CXorf58: variants seen among roughly 807,000 people sequenced by gnomAD.
CXorf58 encodes the protein chromosome X open reading frame 58, also known as uncharacterized protein CXorf58.
A neutral mutation model predicts 26.0 loss-of-function variants in CXorf58; 24 were observed. The observed-to-expected ratio is 0.92, with a 90% confidence interval of 0.67 to 1.30. The LOEUF is 1.30. Ranked by LOEUF, CXorf58 falls within the 50% of genes most tolerant of loss-of-function variation. The pLI is 0.00. For missense variants in CXorf58, 236 were observed against 263.9 expected (o/e 0.89, Z 0.73); for synonymous variants, 87 against 86.1 (o/e 1.01, Z -0.06).
At chrX:23,933,636 C>T (rs1426514375) in intron 6 of CXorf58, among the ~76,000 whole-genome samples, 1 of 111,013 alleles carries the variant, frequency 9.0e-6, no homozygotes, top group East Asian at 2.8e-4. Flanking sequence ...CGCCTGTAAT[C>T]TCAGCACTTT....
At chrX:23,924,650 A>G (rs768144580) in intron 5 of CXorf58, among the ~76,000 whole-genome samples, 1 of 96,303 alleles carries the variant, frequency 1.0e-5, no homozygotes, top group African/African-American at 3.8e-5. Flanking sequence ...TGTAATGTAT[A>G]AAGAAATTTG....
chrX:23,933,568 A>AG (rs201806767), intron 6 of CXorf58, among the ~76,000 whole-genome samples: 1,630 of 111,308 alleles, frequency 0.015, 30 homozygotes, highest in African/African-American at 0.049. Context: ...CAGCCTGGGC[A>AG]ACATAGTGAG....
intron 7 of CXorf58, among the ~76,000 whole-genome samples, chrX:23,938,182 C>A (rs985683814): frequency 1.8e-5 from 2 of 111,339 alleles, no homozygotes; most frequent in African/African-American, 6.5e-5. Flanking sequence ...GCCACTGCGC[C>A]TGGACGAAAT....
intron 8 of CXorf58, 115 bp from the exon 9 acceptor site, chrX:23,939,129 T>TA: frequency 2.1e-6 from 1 of 485,210 alleles, no homozygotes; most frequent in Non-Finnish European, 3.5e-6. Flanking sequence ...CTTTGTAATT[T>TA]AAAAAATCGC....
chrX:23,928,251 G>T (rs1352452498), intron 6 of CXorf58, among the ~76,000 whole-genome samples: 1 of 110,189 alleles, frequency 9.1e-6, no homozygotes, highest in Non-Finnish European at 1.9e-5. Flanking sequence ...CGCAATCTCA[G>T]CTCACTGCAA....
chrX:23,928,480 G>A (rs1928075369), intron 6 of CXorf58, among the ~76,000 whole-genome samples: 1 of 111,550 alleles, frequency 9.0e-6, no homozygotes, highest in African/African-American at 3.3e-5. Context: ...ACCACGCCTG[G>A]CCGATGTTGT....
At chrX:23,923,268 T>C (rs987643368) in intron 5 of CXorf58, among the ~76,000 whole-genome samples, 4 of 110,881 alleles carry the variant, frequency 3.6e-5, no homozygotes, top group Non-Finnish European at 7.5e-5. Context: ...GGGACCAGAA[T>C]GGGCCAGACA....
intron 3 of CXorf58, among the ~76,000 whole-genome samples, chrX:23,912,958 G>C (rs746646263): frequency 9.1e-5 from 10 of 109,601 alleles, no homozygotes; most frequent in South Asian, 7.8e-4. Flanking sequence ...TTCTGCAATA[G>C]AAAGGAAATG....
intron 3 of CXorf58, among the ~76,000 whole-genome samples, chrX:23,914,085 C>CTATT (rs1006072026): frequency 2.7e-5 from 3 of 110,258 alleles, no homozygotes; most frequent in Non-Finnish European, 5.7e-5. Flanking sequence ...CTTTTAAAAG[C>CTATT]TATTTATTTA....
chrX:23,931,208 G>A (rs1463348040), intron 6 of CXorf58, among the ~76,000 whole-genome samples: 3 of 111,940 alleles, frequency 2.7e-5, no homozygotes, highest in Non-Finnish European at 3.8e-5. Flanking sequence ...GTTTAGGGAA[G>A]TGAACCAGGA....
intron 5 of CXorf58, among the ~76,000 whole-genome samples, chrX:23,918,513 A>C (rs1417204728): frequency 8.9e-6 from 1 of 112,011 alleles, no homozygotes; most frequent in Non-Finnish European, 1.9e-5. Context: ...TTTTTCTATT[A>C]ATATCTTATT....
At chrX:23,921,932 G>T (rs146716669) in intron 5 of CXorf58, among the ~76,000 whole-genome samples, 103 of 109,981 alleles carry the variant, frequency 9.4e-4, no homozygotes, top group African/African-American at 3.3e-3. Flanking sequence ...CGAACTCCTG[G>T]CCTCAAGCGA....
At position 23,911,752 on chromosome X, in the gene CXorf58, C is replaced by T. The variant is rs1325167995; in HGVS notation, c.117-5C>T. 3 of 1,132,976 alleles carry T rather than the reference C, an allele frequency of 2.6e-6. No individual in the cohort carries two copies. Among genetic ancestry groups the T allele is most frequent in the Admixed American group, 2.7e-5 (1 of 37,593 alleles). The allele number at this position is 1,132,976 out of a possible 1,213,427, so 93.4% of individuals were successfully genotyped here. A position where few individuals can be genotyped will look rare whatever the true frequency, so the allele number is the denominator to read the frequency against. On this transcript the variant is annotated splice_region_variant and splice_polypyrimidine_tract_variant and intron_variant, in intron 2 of 8. Transcript: ENST00000379211. ...TATAAATATTAACCTCTTTTTTTCT[C>T]TCAGAATGCTTAAAGACATTTCAGC...
chrX:23,921,544 T>C (rs772453091), intron 5 of CXorf58, among the ~76,000 whole-genome samples: 49 of 112,287 alleles, frequency 4.4e-4, no homozygotes, highest in African/African-American at 1.6e-3. Flanking sequence ...TTAGTTCAGC[T>C]TCAAACTCTG....
chrX:23,919,380 T>TGA (rs759135195), intron 5 of CXorf58, among the ~76,000 whole-genome samples: 27 of 112,361 alleles, frequency 2.4e-4, no homozygotes, highest in Admixed American at 5.7e-4. Context: ...CTTCAGTGTG[T>TGA]CCATTGCATT....
At chrX:23,920,460 A>G (rs1254147734) in intron 5 of CXorf58, among the ~76,000 whole-genome samples, 1 of 112,185 alleles carries the variant, frequency 8.9e-6, no homozygotes, top group Non-Finnish European at 1.9e-5. Context: ...GCAGGAGAGA[A>G]GACCACACAG....
intron 5 of CXorf58, among the ~76,000 whole-genome samples, chrX:23,924,014 C>T (rs923673330): frequency 2.7e-5 from 3 of 111,574 alleles, no homozygotes; most frequent in Non-Finnish European, 3.8e-5. Flanking sequence ...TGCCGTCTGC[C>T]GAAATGGCAC....
chrX:23,935,540 C>T, intron 7 of CXorf58, 115 bp downstream of exon 7: 1 of 527,987 alleles, frequency 1.9e-6, no homozygotes. Flanking sequence ...AGGGTTGGGG[C>T]AGATTGCTCA....
intron 5 of CXorf58, among the ~76,000 whole-genome samples, chrX:23,916,889 CAA>C (rs1171438687): frequency 9.3e-5 from 6 of 64,240 alleles, no homozygotes; most frequent in Admixed American, 3.7e-4. Context: ...GACTCTGTCT[CAA>C]AAAAAAAAAA....
Sources: allele counts gnomAD v4.1 joint callset (sites outside exome capture counted in the v4.1 genomes callset), GRCh38; gene constraint gnomAD v4.1.1; transcripts MANE v1.5; gene names NCBI Gene and HGNC (gene_info 2026-07-23, HGNC 2026-07-21).